KRT71: variants seen among roughly 807,000 people sequenced by gnomAD.
KRT71 encodes keratin, type II cytoskeletal 71.
In KRT71, 42 loss-of-function variants were observed where a neutral mutation model predicts 46.2. The ratio of observed to expected loss-of-function variants is 0.91; its 90% CI spans 0.71 to 1.18. The LOEUF is 1.18. Ranked by LOEUF, KRT71 falls within the 50% of genes most tolerant of loss-of-function variation. KRT71 has a pLI of 0.00. For synonymous variants in KRT71, 292 were observed against 277.8 expected (o/e 1.05, Z -0.51); for missense variants, 708 against 677.9 (o/e 1.04, Z -0.49).
chr12:52,548,165 AG>A lies in KRT71; in HGVS notation c.964del (p.Leu322CysfsTer44), dbSNP rs1301106625. On this transcript the variant is annotated frameshift_variant, in exon 5 of 9. Transcript: ENST00000267119. LOFTEE classifies it high-confidence loss of function. Reference sequence around the variant, plus strand: ...AGCCCAGCTCACCTTGGTCTGGTACAGGGCCTCAGCCTCGGCCTTACTCTTC... The same window carrying A: ...AGCCCAGCTCACCTTGGTCTGGTACAGGCCTCAGCCTCGGCCTTACTCTTC... Reference protein sequence around the residue: ...ALKSKAEAEALYQTKFQELQL... With the variant: ...ALKSKAEAEAXYQTKFQELQL... 3 of 1,613,518 alleles carry A rather than the reference AG, an allele frequency of 1.9e-6. No individual in the cohort carries two copies. The highest frequency in any genetic ancestry group is 1.7e-6 in the Non-Finnish European group (2 of 1,179,616).
At chr12:52,551,851 C>T (rs1939176219) in intron 1 of KRT71, among the ~76,000 whole-genome samples, 1 of 152,232 alleles carries the variant, frequency 6.6e-6, no homozygotes, top group Non-Finnish European at 1.5e-5. Flanking sequence ...GTCATCTCTT[C>T]AGGTCTCTAG....
At chr12:52,551,689 G>C (rs1234924251) in intron 1 of KRT71, among the ~76,000 whole-genome samples, 1 of 152,164 alleles carries the variant, frequency 6.6e-6, no homozygotes, top group Non-Finnish European at 1.5e-5. Flanking sequence ...CTCCTCCTCT[G>C]GGTCTGGAGG....
chr12:52,545,320 C>A (rs1482719980), intron 8 of KRT71, among the ~76,000 whole-genome samples: 3 of 152,180 alleles, frequency 2.0e-5, no homozygotes, highest in Non-Finnish European at 4.4e-5. Context: ...TTTCCCATGA[C>A]AATAGCTTTC....
Position 52,548,335 on chromosome 12 carries a change from T to C in KRT71, c.814-19A>G. 6.3e-7 allele frequency: 1 copy of C among 1,593,306 alleles called. No homozygotes were observed. Among genetic ancestry groups the C allele is most frequent in the Non-Finnish European group, 8.6e-7 (1 of 1,168,236 alleles). On this transcript the variant is annotated intron_variant, in intron 4 of 8. Coordinates refer to ENST00000267119, the MANE Select transcript of KRT71 (RefSeq NM_033448.3). ...TGATCTCCTGCAGGGGACACAGAAA[T>C]GGTCTCTCGGCTCAACTGCTGTCGG...
rs1289558249 is a variant in KRT71, at chr12:52,547,941, G to T, written c.1020C>A (p.Asp340Glu). The change falls in exon 6 of 9, where the codon GAC becomes GAA. Residue 340 changes from aspartate (D) to glutamate (E), a missense_variant. Transcript: ENST00000267119. Reference sequence around the variant, plus strand: ...AGATTTCATTCTTGGTGTTTTTGAGGTCGTCCCCATGCCTGCCAGCTGCCA... The same window carrying T: ...AGATTTCATTCTTGGTGTTTTTGAGTTCGTCCCCATGCCTGCCAGCTGCCA... Reference protein sequence around the residue: ...LQLAAGRHGDDLKNTKNEISE... With the variant: ...LQLAAGRHGDELKNTKNEISE... 8.7e-6 allele frequency: 14 copies of T among 1,614,084 alleles called. No individual in the cohort carries two copies. The highest frequency in any genetic ancestry group is 1.1e-5 in the Non-Finnish European group (13 of 1,180,052).
In KRT71 at chr12:52,546,355, A is replaced by G. The variant is rs1461303257; in HGVS notation, c.1256T>C (p.Met419Thr). 6 of 1,613,754 alleles carry G rather than the reference A, an allele frequency of 3.7e-6. No individual in the cohort carries two copies. The East Asian group carries it at 1.1e-4, about 30-fold the overall frequency. Reference sequence around the variant, plus strand: ...CATGTCCAGGGCCAGCTTCAGGCTCATGAGCTCCTGGTACTCGCGCAGCAT... The same window carrying G: ...CATGTCCAGGGCCAGCTTCAGGCTCGTGAGCTCCTGGTACTCGCGCAGCAT... ...ARMLREYQEL[M>T]SLKLALDMEI... Residue 419 changes from methionine to threonine, a missense_variant, in exon 7 of 9, where the codon ATG becomes ACG. Coordinates refer to ENST00000267119, the MANE Select transcript of KRT71 (RefSeq NM_033448.3).
intron 1 of KRT71, among the ~76,000 whole-genome samples, chr12:52,551,394 C>A (rs1939165597): frequency 6.6e-6 from 1 of 152,204 alleles, no homozygotes; most frequent in Non-Finnish European, 1.5e-5. Context: ...TAGGTTTTGA[C>A]CAGCCGAGCC....
At chr12:52,547,782 G>A in intron 6 of KRT71, 75 bp downstream of exon 6, 3 of 1,559,088 alleles carry the variant, frequency 1.9e-6, no homozygotes, top group Non-Finnish European at 2.6e-6. Flanking sequence ...GGAGGCCCAT[G>A]TTCTCAGCAG....
chr12:52,551,740 A>C (rs979250218), intron 1 of KRT71, among the ~76,000 whole-genome samples: 1 of 152,002 alleles, frequency 6.6e-6, no homozygotes, highest in African/African-American at 2.4e-5. Flanking sequence ...CCTTTCCCCA[A>C]ATGACCCTGG....
At position 52,548,755 on chromosome 12, in the gene KRT71, G is replaced by A. The variant is rs773349955; in HGVS notation, c.759C>T (p.Ala253=). The A allele has an allele frequency of 5.0e-6, 8 of 1,614,062 alleles. No homozygotes were observed. In the South Asian group the frequency reaches 5.5e-5, roughly 11 times the overall value. Residue 253 remains alanine, a synonymous_variant, in exon 4 of 9, where the codon GCC becomes GCT. Transcript: ENST00000267119. The stretch of plus-strand genomic sequence containing the variant: ...TCTCCTGGTCCATGGATTCCACCTT[G>A]GCCTGCAGTTCCACCTTATTGGCGT... ...AAYANKVELQ[A]KVESMDQEIK...
At chr12:52,545,887 C>T (rs879683427) in intron 7 of KRT71, among the ~76,000 whole-genome samples, 2 of 152,152 alleles carry the variant, frequency 1.3e-5, no homozygotes, top group Non-Finnish European at 2.9e-5. Context: ...AGCCTGCCAT[C>T]CCTGTAGAGC....
rs1022630375 is a variant in KRT71, at chr12:52,552,871, A to G, written c.207T>C (p.Tyr69=). The G allele has an allele frequency of 1.2e-6, 2 of 1,614,150 alleles. No individual in the cohort carries two copies. The highest frequency in any genetic ancestry group is 2.2e-5 in the East Asian group (1 of 44,866). ...CACTGGCCCGGCCCCGGCCAAATCC[A>G]TAGCCTCCACTCTTCCCGCTGCCAC... ...VASGSGKSGG[Y]GFGRGRASGF... Residue 69 remains tyrosine, a synonymous_variant, in exon 1 of 9, where the codon TAT becomes TAC. Transcript: ENST00000267119.
chr12:52,546,857 T>C (rs954092607), intron 6 of KRT71, among the ~76,000 whole-genome samples: 12 of 152,316 alleles, frequency 7.9e-5, no homozygotes, highest in African/African-American at 2.4e-4. Context: ...TGGTCGAATA[T>C]GCTGTGGCAG....
intron 3 of KRT71, 123 bp downstream of exon 3, chr12:52,549,170 T>C (rs1939115578): frequency 1.2e-6 from 1 of 801,410 alleles, no homozygotes; most frequent in Admixed American, 1.8e-5. Flanking sequence ...AAGTTTTCTC[T>C]GCCTTCACCT....
At chr12:52,547,246 G>C (rs1260538036) in intron 6 of KRT71, among the ~76,000 whole-genome samples, 1 of 152,190 alleles carries the variant, frequency 6.6e-6, no homozygotes, top group Non-Finnish European at 1.5e-5. Context: ...TTGCCTCTCA[G>C]GGTCTTGGTG....
chr12:52,544,420 T>C lies in KRT71; in HGVS notation c.*112A>G. On this transcript the variant is annotated 3_prime_UTR_variant, in exon 9 of 9. Transcript: ENST00000267119. ...GGGTGGCCAAGGCCAGTGCCAGGTGTATGGGAGCAGGACCAGCAGGGTGGA... is the reference window on the plus strand; with the variant it reads ...GGGTGGCCAAGGCCAGTGCCAGGTGCATGGGAGCAGGACCAGCAGGGTGGA... 1.0e-6 allele frequency: 1 copy of C among 1,001,890 alleles called. No individual in the cohort carries two copies. Among genetic ancestry groups the C allele is most frequent in the South Asian group, 1.4e-5 (1 of 70,736 alleles). 62.1% of individuals were successfully genotyped at this position (1,001,890 alleles called of 1,614,324 possible). A position where few individuals can be genotyped will look rare whatever the true frequency, so the allele number is the denominator to read the frequency against.
intron 3 of KRT71, 147 bp from the exon 4 acceptor site, chr12:52,548,943 G>A (rs1438413670): frequency 1.4e-6 from 1 of 695,230 alleles, no homozygotes. Flanking sequence ...CAAAGGCCCA[G>A]CCCTACCCCA....
At chr12:52,551,700 CAA>C (rs1440096925) in intron 1 of KRT71, among the ~76,000 whole-genome samples, 1 of 152,194 alleles carries the variant, frequency 6.6e-6, no homozygotes, top group Non-Finnish European at 1.5e-5. Flanking sequence ...GGTCTGGAGG[CAA>C]AAGGCTGAGG....
At chr12:52,545,210 C>T (rs1939038678) in intron 8 of KRT71, among the ~76,000 whole-genome samples, 1 of 152,204 alleles carries the variant, frequency 6.6e-6, no homozygotes, top group African/African-American at 2.4e-5. Context: ...TCCCTCAGCC[C>T]TCCCTACTTC....
Sources: allele counts gnomAD v4.1 joint callset (sites outside exome capture counted in the v4.1 genomes callset), GRCh38; gene constraint gnomAD v4.1.1; transcripts MANE v1.5; gene names NCBI Gene and HGNC (gene_info 2026-07-23, HGNC 2026-07-21).